The following SDCCAG8 variants were observed in gnomAD, a reference collection of about 807,000 sequenced individuals.
The protein encoded by SDCCAG8 is serologically defined colon cancer antigen 8.
In SDCCAG8, 74 loss-of-function variants were observed where a neutral mutation model predicts 101.8. The ratio of observed to expected loss-of-function variants is 0.73; its 90% CI spans 0.60 to 0.88. SDCCAG8 has a LOEUF of 0.88. Ranked by LOEUF, SDCCAG8 falls within the 40% of genes least tolerant of loss-of-function variation. The pLI, the probability that SDCCAG8 is intolerant of heterozygous loss-of-function variation, is 0.00. For missense variants in SDCCAG8, 787 were observed against 822.6 expected (o/e 0.96, Z 0.53); for synonymous variants, 281 against 292.9 (o/e 0.96, Z 0.41).
At chr1:243,371,209 G>A (rs1027244839) in intron 12 of SDCCAG8, among the ~76,000 whole-genome samples, 1 of 152,052 alleles carries the variant, frequency 6.6e-6, no homozygotes, top group Admixed American at 6.6e-5. Context: ...TCACATTATA[G>A]GCCAAGAGGT....
intron 6 of SDCCAG8, among the ~76,000 whole-genome samples, chr1:243,303,711 G>A (rs1365660279): frequency 2.6e-5 from 4 of 152,048 alleles, no homozygotes; most frequent in Admixed American, 6.5e-5. Context: ...TGTGTTAATT[G>A]TTTATATTAT....
intron 16 of SDCCAG8, among the ~76,000 whole-genome samples, chr1:243,468,892 A>T (rs950256422): frequency 6.6e-6 from 1 of 152,240 alleles, no homozygotes; most frequent in Non-Finnish European, 1.5e-5. Flanking sequence ...TGTGAAAAGT[A>T]CTTCGTATAT....
At chr1:243,457,142 T>C (rs533771408) in intron 16 of SDCCAG8, among the ~76,000 whole-genome samples, 2 of 152,206 alleles carry the variant, frequency 1.3e-5, no homozygotes, top group Non-Finnish European at 2.9e-5. Context: ...GTGCACCTTA[T>C]TTTGTAAAAA....
intron 16 of SDCCAG8, among the ~76,000 whole-genome samples, chr1:243,460,744 C>T (rs1289736600): frequency 2.0e-5 from 3 of 152,112 alleles, no homozygotes; most frequent in Non-Finnish European, 2.9e-5. Flanking sequence ...CAATAAGTCC[C>T]CAGCTTCCCT....
intron 9 of SDCCAG8, among the ~76,000 whole-genome samples, chr1:243,328,144 C>T (rs915748669): frequency 1.3e-5 from 2 of 152,082 alleles, no homozygotes; most frequent in Admixed American, 6.5e-5. Context: ...CCTCGTGATC[C>T]GCCTGCCTCA....
At chr1:243,363,585 AT>A (rs1436531235) in intron 12 of SDCCAG8, among the ~76,000 whole-genome samples, 1 of 152,092 alleles carries the variant, frequency 6.6e-6, no homozygotes, top group Non-Finnish European at 1.5e-5. Context: ...TCTTAAAATC[AT>A]TTTTTTGAGA....
intron 12 of SDCCAG8, among the ~76,000 whole-genome samples, chr1:243,365,827 TG>T (rs1011690618): frequency 3.9e-5 from 6 of 152,150 alleles, no homozygotes; most frequent in Non-Finnish European, 7.4e-5. Flanking sequence ...AGAGTATGCC[TG>T]CATGTATGTT....
At chr1:243,335,221 T>C (rs182386882) in intron 10 of SDCCAG8, among the ~76,000 whole-genome samples, 1 of 152,070 alleles carries the variant, frequency 6.6e-6, no homozygotes, top group Non-Finnish European at 1.5e-5. Context: ...GGGGAAAAAA[T>C]GGCATTTTCG....
At chr1:243,324,657 G>T (rs1326194606) in intron 9 of SDCCAG8, among the ~76,000 whole-genome samples, 1 of 151,942 alleles carries the variant, frequency 6.6e-6, no homozygotes, top group Non-Finnish European at 1.5e-5. Context: ...CAAGTATGCA[G>T]ACAATTACAA....
At chr1:243,469,328 A>G (rs1166580835) in intron 16 of SDCCAG8, among the ~76,000 whole-genome samples, 5 of 152,192 alleles carry the variant, frequency 3.3e-5, no homozygotes, top group Admixed American at 2.6e-4. Context: ...ACAAACTTGT[A>G]TATGTAGCTA....
At chr1:243,412,709 C>T (rs985780588) in intron 13 of SDCCAG8, among the ~76,000 whole-genome samples, 2 of 151,962 alleles carry the variant, frequency 1.3e-5, no homozygotes, top group African/African-American at 4.8e-5. Flanking sequence ...ATTGCATACC[C>T]CTGCTCTAGA....
At chr1:243,442,576 T>C (rs2082613474) in intron 16 of SDCCAG8, among the ~76,000 whole-genome samples, 2 of 152,022 alleles carry the variant, frequency 1.3e-5, no homozygotes, top group Admixed American at 1.3e-4. Context: ...AAGCCCTGAT[T>C]TTCATAGATA....
chr1:243,496,471 C>G (rs576146943), intron 17 of SDCCAG8, among the ~76,000 whole-genome samples: 1 of 152,328 alleles, frequency 6.6e-6, no homozygotes, highest in African/African-American at 2.4e-5. Context: ...TGCTTTATTG[C>G]CAGACACACA....
intron 13 of SDCCAG8, among the ~76,000 whole-genome samples, chr1:243,385,206 G>T (rs556159300): frequency 7.3e-5 from 11 of 151,646 alleles, no homozygotes; most frequent in African/African-American, 2.7e-4. Context: ...CCTGGGCAAC[G>T]TGGCGAAACC....
intron 16 of SDCCAG8, among the ~76,000 whole-genome samples, chr1:243,455,378 T>C (rs1358628149): frequency 6.6e-6 from 1 of 152,198 alleles, no homozygotes; most frequent in Non-Finnish European, 1.5e-5. Flanking sequence ...CAAGCAATTC[T>C]CCTGCCTCAG....
At chr1:243,276,363 C>T (rs543986344) in intron 4 of SDCCAG8, among the ~76,000 whole-genome samples, 2 of 152,224 alleles carry the variant, frequency 1.3e-5, no homozygotes, top group South Asian at 2.1e-4. Flanking sequence ...TGGAAGATTA[C>T]GGAAGCCTTG....
chr1:243,496,378 G>C (rs969288050), intron 17 of SDCCAG8, among the ~76,000 whole-genome samples: 7 of 152,194 alleles, frequency 4.6e-5, no homozygotes, highest in African/African-American at 1.7e-4. Flanking sequence ...GGCTGCCCTG[G>C]AGCTCTGTCA....
At chr1:243,385,981 C>T (rs2078260908) in intron 13 of SDCCAG8, among the ~76,000 whole-genome samples, 1 of 152,124 alleles carries the variant, frequency 6.6e-6, no homozygotes, top group South Asian at 2.1e-4. Context: ...AAAACACCAC[C>T]ACCAACAACA....
chr1:243,480,791 G>GGGAT (rs768014106), intron 16 of SDCCAG8, among the ~76,000 whole-genome samples: 7,139 of 59,156 alleles, frequency 0.12, 1,003 homozygotes, highest in East Asian at 0.28. Flanking sequence ...ATGGATGGGT[G>GGGAT]GGATGGATGG....
Sources: gnomAD v4.1 joint callset for allele counts (sites outside exome capture counted in the v4.1 genomes callset) on GRCh38, gnomAD v4.1.1 for gene constraint, MANE v1.5 for transcripts, NCBI Gene and HGNC (gene_info 2026-07-23, HGNC 2026-07-21) for gene names.